The following PHTF2 variants were observed in gnomAD, a reference collection of about 807,000 sequenced individuals.
PHTF2 encodes putative homeodomain transcription factor 2.
Under a neutral mutation model 101.2 loss-of-function variants are expected in PHTF2, and 60 were observed. The observed-to-expected ratio is 0.59, with a 90% CI of 0.48 to 0.73. The LOEUF is 0.73. Among genes scored for constraint, PHTF2 ranks in the 30% least tolerant of loss-of-function variants. PHTF2 has a pLI of 0.00. For missense variants in PHTF2, 747 were observed against 908.7 expected, an observed-to-expected ratio of 0.82 and a Z score of 2.29; for synonymous variants, 311 against 307.3, an observed-to-expected ratio of 1.01 and a Z score of -0.13.
intron 3 of PHTF2, among the ~76,000 whole-genome samples, chr7:77,861,522 A>G (rs1039060316): frequency 6.6e-6 from 1 of 152,092 alleles, no homozygotes; most frequent in Non-Finnish European, 1.5e-5. Context: ...TGTGGTGGTT[A>G]TTGTCTATTA....
intron 1 of PHTF2, among the ~76,000 whole-genome samples, chr7:77,837,032 G>T (rs2150569546): frequency 6.6e-6 from 1 of 150,778 alleles, no homozygotes; most frequent in Middle Eastern, 3.6e-3. Flanking sequence ...TTAAATCTAT[G>T]TCAAGGATAG....
chr7:77,801,770 ACAAAATC>A, intron 1 of PHTF2, among the ~76,000 whole-genome samples: 1 of 152,338 alleles, frequency 6.6e-6, no homozygotes, highest in Admixed American at 6.5e-5. Flanking sequence ...TGCAAATATT[ACAAAATC>A]CAAAATCCAA....
chr7:77,804,496 T>C (rs1428089840), intron 1 of PHTF2, among the ~76,000 whole-genome samples: 2 of 152,198 alleles, frequency 1.3e-5, no homozygotes, highest in African/African-American at 4.8e-5. Context: ...CGGCTAATTT[T>C]TGTATTTTTA....
intron 13 of PHTF2, 193 bp downstream of exon 12, chr7:77,938,031 T>C (rs1227536947): frequency 8.0e-6 from 2 of 250,954 alleles, no homozygotes; most frequent in East Asian, 7.5e-5. Flanking sequence ...CATCTTCTAG[T>C]GTTTTCACTT....
rs904866609 is a variant in PHTF2 at position 77,798,874 on chromosome 7, C to G, written c.-133C>G. 7 of 152,602 alleles carry G rather than the reference C, an allele frequency of 4.6e-5. No homozygotes were observed. The East Asian group carries it at 5.8e-4, about 13-fold the overall frequency. The allele number at this position is 152,602 out of a possible 1,614,324, so 9.5% of individuals were successfully genotyped here. On this transcript the variant is annotated 5_prime_UTR_variant, in exon 1 of 20. Coordinates refer to ENST00000416283, the Ensembl canonical transcript of PHTF2. Reference sequence around the variant, plus strand: ...GAGGCAGCGCGCCCGCGGGCAGCCTCGTTGTGGCTCCTTGGGCTCTGTTGG... The same window carrying G: ...GAGGCAGCGCGCCCGCGGGCAGCCTGGTTGTGGCTCCTTGGGCTCTGTTGG...
intron 2 of PHTF2, among the ~76,000 whole-genome samples, chr7:77,843,397 TC>T (rs1796036317): frequency 6.6e-6 from 1 of 152,228 alleles, no homozygotes. Context: ...CTTTTTCCTT[TC>T]TTGGAACTGA....
At chr7:77,887,083 A>G (rs1416891508) in intron 3 of PHTF2, among the ~76,000 whole-genome samples, 1 of 151,724 alleles carries the variant, frequency 6.6e-6, no homozygotes, top group East Asian at 1.9e-4. Context: ...AACAATGAAT[A>G]TAAGGCAGAA....
At chr7:77,833,648 G>A (rs1795230229) in intron 1 of PHTF2, among the ~76,000 whole-genome samples, 1 of 152,020 alleles carries the variant, frequency 6.6e-6, no homozygotes, top group Non-Finnish European at 1.5e-5. Context: ...AACTTTTTGT[G>A]TGATATACTT....
intron 1 of PHTF2, among the ~76,000 whole-genome samples, chr7:77,807,544 G>T (rs532041311): frequency 4.4e-4 from 67 of 152,108 alleles, no homozygotes; most frequent in African/African-American, 1.5e-3. Flanking sequence ...TTAAAATCAG[G>T]TTATTTGATT....
At chr7:77,872,533 A>G (rs1226826346) in intron 3 of PHTF2, among the ~76,000 whole-genome samples, 1 of 152,090 alleles carries the variant, frequency 6.6e-6, no homozygotes, top group Non-Finnish European at 1.5e-5. Flanking sequence ...TGGTAGCCAC[A>G]CCCACCTTGC....
At chr7:77,912,710 C>CTTT (rs536966733) in intron 9 of PHTF2, among the ~76,000 whole-genome samples, 1 of 80,466 alleles carries the variant, frequency 1.2e-5, no homozygotes, top group East Asian at 3.5e-4. Context: ...AGAGAACCAC[C>CTTT]TTTTTTTTTT....
intron 3 of PHTF2, among the ~76,000 whole-genome samples, chr7:77,863,406 T>G (rs146709815): frequency 1.3e-5 from 2 of 152,220 alleles, no homozygotes; most frequent in Admixed American, 1.3e-4. Flanking sequence ...TATTTCTAAT[T>G]ACTGCTGTTT....
intron 9 of PHTF2, among the ~76,000 whole-genome samples, chr7:77,916,028 TTTC>T (rs1802888022): frequency 6.6e-6 from 1 of 151,522 alleles, no homozygotes; most frequent in African/African-American, 2.4e-5. Flanking sequence ...AAAAGTATAA[TTTC>T]TTCCTATACG....
chr7:77,848,526 C>T (rs1796486395), intron 2 of PHTF2, among the ~76,000 whole-genome samples: 1 of 152,180 alleles, frequency 6.6e-6, no homozygotes, highest in Non-Finnish European at 1.5e-5. Flanking sequence ...AATGTCTATT[C>T]AGACCTTTTG....
At chr7:77,954,624 A>ATGTG (rs1562982760) in intron 19 of PHTF2, among the ~76,000 whole-genome samples, 6 of 141,888 alleles carry the variant, frequency 4.2e-5, no homozygotes, top group African/African-American at 1.3e-4. Context: ...ATATATATAT[A>ATGTG]TATATATATA....
At chr7:77,820,186 G>T (rs1013924558) in intron 1 of PHTF2, among the ~76,000 whole-genome samples, 1 of 152,152 alleles carries the variant, frequency 6.6e-6, no homozygotes, top group East Asian at 1.9e-4. Flanking sequence ...ACCGCACCCG[G>T]CTTGGGAGAC....
chr7:77,833,297 CAT>C (rs1192865683), intron 1 of PHTF2, among the ~76,000 whole-genome samples: 1 of 152,124 alleles, frequency 6.6e-6, no homozygotes, highest in Non-Finnish European at 1.5e-5. Context: ...TGAAACAAGA[CAT>C]ATGAGAAGAT....
chr7:77,893,552 T>C, intron 3 of PHTF2, 56 bp from the exon 3 acceptor site: 2 of 718,492 alleles, frequency 2.8e-6, no homozygotes, highest in Non-Finnish European at 4.9e-6. Flanking sequence ...AGCAGAGTTA[T>C]ACCTATTTGA....
intron 1 of PHTF2, among the ~76,000 whole-genome samples, chr7:77,821,730 C>T (rs988276174): frequency 6.6e-6 from 1 of 151,918 alleles, no homozygotes; most frequent in African/African-American, 2.4e-5. Context: ...AGGACTTTCT[C>T]AGGTTTGGGA....
Sources: gnomAD v4.1 joint callset for allele counts (sites outside exome capture counted in the v4.1 genomes callset) on GRCh38, gnomAD v4.1.1 for gene constraint, MANE v1.5 for transcripts, NCBI Gene and HGNC (gene_info 2026-07-23, HGNC 2026-07-21) for gene names.